DLG2: variants seen among roughly 807,000 people sequenced by gnomAD.
The protein encoded by DLG2 is discs large MAGUK scaffold protein 2, also known as disks large homolog 2.
A neutral mutation model predicts 132.5 loss-of-function variants in DLG2; 45 were observed. The ratio of observed to expected loss-of-function variants is 0.34; its 90% CI spans 0.27 to 0.44. The LOEUF (loss-of-function observed/expected upper bound fraction) is 0.44, where lower values mean the gene tolerates loss of function less well. Among genes scored for constraint, DLG2 ranks in the 20% least tolerant of loss-of-function variants. The probability of loss-of-function intolerance (pLI) is 1.00; values close to 1 mark genes in which losing one functional copy is unlikely to be tolerated. For synonymous variants in DLG2, 424 were observed against 419.6 expected, an observed-to-expected ratio of 1.01 and a Z score of -0.13; for missense variants, 1,045 against 1,196.9, an observed-to-expected ratio of 0.87 and a Z score of 1.87.
At chr11:84,146,795 T>C (rs1353625413) in intron 9 of DLG2, among the ~76,000 whole-genome samples, 1 of 152,118 alleles carries the variant, frequency 6.6e-6, no homozygotes, top group Non-Finnish European at 1.5e-5. Flanking sequence ...CATGTAGACA[T>C]AGGAAAGAGG....
chr11:84,685,476 C>A (rs1292329668), intron 6 of DLG2, among the ~76,000 whole-genome samples: 7 of 152,166 alleles, frequency 4.6e-5, no homozygotes, highest in Non-Finnish European at 7.3e-5. Context: ...TCAGGTACAG[C>A]CTATCTCCCA....
chr11:84,540,159 A>C (rs962790451), intron 6 of DLG2, among the ~76,000 whole-genome samples: 1 of 152,178 alleles, frequency 6.6e-6, no homozygotes, highest in African/African-American at 2.4e-5. Flanking sequence ...AAACACCATA[A>C]GCAATGGCAA....
rs1180692443 is a variant in DLG2, at chr11:84,061,840, T to C, written c.750-2356A>G. Among the ~76,000 whole-genome samples, 3 of 74,856 alleles carry C rather than the reference T, an allele frequency of 4.0e-5. 1 individual carries two copies. The Admixed American group carries it at 5.1e-4, about 13-fold the overall frequency. The allele number at this position is 74,856 out of a possible 152,430, so 49.1% of individuals were successfully genotyped here. On this transcript the variant is annotated intron_variant, in intron 10 of 27. Transcript: ENST00000376104. Reference sequence around the variant, plus strand: ...TTAATAGACTTACACATACATTTCCTCTCTGATTGACAAAAAAAAAAAAAA... The same window carrying C: ...TTAATAGACTTACACATACATTTCCCCTCTGATTGACAAAAAAAAAAAAAA...
At chr11:84,952,213 C>G (rs2070006016) in intron 6 of DLG2, among the ~76,000 whole-genome samples, 1 of 152,192 alleles carries the variant, frequency 6.6e-6, no homozygotes, top group Admixed American at 6.5e-5. Context: ...TCTAATGTGC[C>G]CCTCCATTAG....
intron 3 of DLG2, among the ~76,000 whole-genome samples, chr11:85,582,457 C>T (rs1375672938): frequency 6.6e-6 from 1 of 151,554 alleles, no homozygotes; most frequent in East Asian, 1.9e-4. Flanking sequence ...AGGAACAGAT[C>T]CAAAAACTAC....
At chr11:84,447,110 G>C (rs1404564444) in intron 7 of DLG2, among the ~76,000 whole-genome samples, 1 of 151,918 alleles carries the variant, frequency 6.6e-6, no homozygotes, top group African/African-American at 2.4e-5. Context: ...TTAGTCAAAA[G>C]TCACCATATT....
At chr11:84,306,678 T>A (rs556914133) in intron 7 of DLG2, among the ~76,000 whole-genome samples, 2 of 152,162 alleles carry the variant, frequency 1.3e-5, no homozygotes, top group African/African-American at 4.8e-5. Context: ...CATGGGGCAA[T>A]TATTTGTGGG....
chr11:84,569,209 C>G (rs1365189011), intron 6 of DLG2, among the ~76,000 whole-genome samples: 1 of 152,140 alleles, frequency 6.6e-6, no homozygotes, highest in Non-Finnish European at 1.5e-5. Flanking sequence ...ACCAGCTGGT[C>G]CTTCCAGAAT....
In DLG2 at chr11:84,208,276, T is replaced by A. The variant is rs2096703048; in HGVS notation, c.573+42962A>T. Among the ~76,000 whole-genome samples, 12 of 151,922 alleles carry A rather than the reference T, an allele frequency of 7.9e-5. No individual in the cohort carries two copies. In the South Asian group the frequency reaches 2.5e-3, roughly 32 times the overall value. On this transcript the variant is annotated intron_variant, in intron 8 of 27. Coordinates refer to ENST00000376104, the MANE Select transcript of DLG2 (RefSeq NM_001142699.3). Reference sequence around the variant, plus strand: ...TGTAACACAACCGACTTTGGTGCACTCTCTCAGGACCTCTAGAGACTGTGT... The same window carrying A: ...TGTAACACAACCGACTTTGGTGCACACTCTCAGGACCTCTAGAGACTGTGT...
intron 6 of DLG2, among the ~76,000 whole-genome samples, chr11:84,885,730 G>A (rs867897560): frequency 1.2e-4 from 18 of 151,980 alleles, no homozygotes; most frequent in East Asian, 1.9e-4. Flanking sequence ...TGTGGCTCCC[G>A]CTATAAGCAA....
At chr11:85,255,248 C>T (rs1374979327) in intron 4 of DLG2, among the ~76,000 whole-genome samples, 3 of 152,122 alleles carry the variant, frequency 2.0e-5, no homozygotes, top group Non-Finnish European at 2.9e-5. Flanking sequence ...TGATATCACA[C>T]TACTAATAAG....
chr11:83,658,663 T>C (rs545690075), intron 18 of DLG2, among the ~76,000 whole-genome samples: 1 of 152,362 alleles, frequency 6.6e-6, no homozygotes, highest in African/African-American at 2.4e-5. Context: ...GCTCTAGTAC[T>C]TGAAAACACT....
chr11:84,999,873 C>T (rs193100574), intron 6 of DLG2, among the ~76,000 whole-genome samples: 106 of 152,176 alleles, frequency 7.0e-4, no homozygotes, highest in African/African-American at 2.4e-3. Flanking sequence ...ACCTTGCATA[C>T]ATGTAGAGAT....
chr11:84,543,505 T>C (rs1297560963), intron 6 of DLG2, among the ~76,000 whole-genome samples: 1 of 152,160 alleles, frequency 6.6e-6, no homozygotes, highest in Non-Finnish European at 1.5e-5. Flanking sequence ...GATGTTTGTC[T>C]CCTCCACTGA....
At chr11:84,065,301 A>C (rs2096654228) in intron 10 of DLG2, among the ~76,000 whole-genome samples, 1 of 152,210 alleles carries the variant, frequency 6.6e-6, no homozygotes, top group Non-Finnish European at 1.5e-5. Flanking sequence ...AATGGAAGAA[A>C]ATATTTGCAA....
chr11:84,477,623 T>G (rs1238470678), intron 7 of DLG2, among the ~76,000 whole-genome samples: 1 of 152,124 alleles, frequency 6.6e-6, no homozygotes, highest in Non-Finnish European at 1.5e-5. Context: ...CGGATTAGAG[T>G]GCAAATGCAT....
intron 3 of DLG2, among the ~76,000 whole-genome samples, chr11:85,396,975 G>T (rs1263464015): frequency 6.6e-6 from 1 of 152,118 alleles, no homozygotes; most frequent in Non-Finnish European, 1.5e-5. Context: ...ACATATAATT[G>T]TCAGATTTGC....
At chr11:84,015,808 C>T (rs1011893561) in intron 11 of DLG2, among the ~76,000 whole-genome samples, 1 of 152,056 alleles carries the variant, frequency 6.6e-6, no homozygotes, top group African/African-American at 2.4e-5. Flanking sequence ...AGGCTGATTC[C>T]ATGTCTTTGC....
At chr11:83,916,249 T>C (rs2076902195) in intron 15 of DLG2, among the ~76,000 whole-genome samples, 1 of 152,200 alleles carries the variant, frequency 6.6e-6, no homozygotes, top group Non-Finnish European at 1.5e-5. Context: ...TTTTCATTTC[T>C]CTTGGGTGCA....
Sources: gnomAD v4.1 joint callset for allele counts (sites outside exome capture counted in the v4.1 genomes callset) on GRCh38, gnomAD v4.1.1 for gene constraint, MANE v1.5 for transcripts, NCBI Gene and HGNC (gene_info 2026-07-23, HGNC 2026-07-21) for gene names.